Variants in DLGAP2 observed in about 807,000 individuals in gnomAD.
The protein encoded by DLGAP2 is DLG associated protein 2.
Under a neutral mutation model 100.3 loss-of-function variants are expected in DLGAP2, and 26 were observed. The observed-to-expected ratio is 0.26, with a 90% CI of 0.19 to 0.36. The LOEUF (loss-of-function observed/expected upper bound fraction) is 0.36, where lower values mean the gene tolerates loss of function less well. Among genes scored for constraint, DLGAP2 ranks in the 10% least tolerant of loss-of-function variants. The probability of loss-of-function intolerance (pLI) is 1.00; values close to 1 mark genes in which losing one functional copy is unlikely to be tolerated. For missense variants in DLGAP2, 1,858 were observed against 1,453.2 expected, an observed-to-expected ratio of 1.28 and a Z score of -4.53; for synonymous variants, 886 against 630.1, an observed-to-expected ratio of 1.41 and a Z score of -6.08.
At chr8:1,237,302 T>C (rs1184250358) in intron 2 of DLGAP2, among the ~76,000 whole-genome samples, 2 of 133,372 alleles carry the variant, frequency 1.5e-5, no homozygotes, top group Non-Finnish European at 1.6e-5. Flanking sequence ...TGTCTAGTTC[T>C]GTCTCACACA....
At chr8:920,575 G>A in intron 2 of DLGAP2, among the ~76,000 whole-genome samples, 1 of 152,036 alleles carries the variant, frequency 6.6e-6, no homozygotes, top group East Asian at 1.9e-4. Flanking sequence ...GGGCAACATG[G>A]TGAGACCCCA....
chr8:915,344 G>A (rs537735397), intron 2 of DLGAP2, among the ~76,000 whole-genome samples: 2 of 152,114 alleles, frequency 1.3e-5, no homozygotes, highest in Non-Finnish European at 2.9e-5. Context: ...TCAGGAGATC[G>A]GGACCGTCCT....
intron 2 of DLGAP2, among the ~76,000 whole-genome samples, chr8:1,230,507 A>G (rs1280308030): frequency 6.6e-6 from 1 of 152,224 alleles, no homozygotes; most frequent in Non-Finnish European, 1.5e-5. Context: ...CTAGAAAAAA[A>G]CTATTCTAAA....
intron 3 of DLGAP2, among the ~76,000 whole-genome samples, chr8:1,276,400 C>T (rs910696234): frequency 2.6e-5 from 4 of 152,062 alleles, no homozygotes; most frequent in Non-Finnish European, 4.4e-5. Context: ...TGGATCTTGG[C>T]CGCACGTTGG....
chr8:753,608 G>A (rs902511333), intron 1 of DLGAP2: 2 of 152,282 alleles, frequency 1.3e-5, no homozygotes, highest in African/African-American at 4.8e-5. Context: ...CACAGACGGT[G>A]GATGGAGAGG....
At chr8:1,046,482 T>G (rs1302993160) in intron 2 of DLGAP2, among the ~76,000 whole-genome samples, 2 of 152,166 alleles carry the variant, frequency 1.3e-5, no homozygotes, top group South Asian at 2.1e-4. Flanking sequence ...AAACCTTTTC[T>G]GCTGGAATAA....
chr8:1,112,380 A>G (rs1479061383), intron 2 of DLGAP2, among the ~76,000 whole-genome samples: 1 of 151,846 alleles, frequency 6.6e-6, no homozygotes, highest in East Asian at 1.9e-4. Context: ...AGCTGGGACT[A>G]CAGGCATCCA....
At position 1,411,647 on chromosome 8, in the gene DLGAP2, C is replaced by T. The variant is rs1419572533; in HGVS notation, c.107-89719C>T. 7.2e-5 allele frequency among the ~76,000 whole-genome samples: 11 copies of T among 152,332 alleles called. No individual in the cohort carries two copies. The East Asian group carries it at 2.1e-3, about 29-fold the overall frequency. On this transcript the variant is annotated intron_variant, in intron 3 of 14. Coordinates refer to ENST00000637795, the MANE Select transcript of DLGAP2 (RefSeq NM_001346810.2). ...TGGCCTGGTTTATCCTCTCCTTTCC[C>T]TCCTGCTCTGAACCATCTGCTAAAC...
chr8:1,001,209 A>G (rs1800945780), intron 2 of DLGAP2, among the ~76,000 whole-genome samples: 1 of 152,030 alleles, frequency 6.6e-6, no homozygotes, highest in African/African-American at 2.4e-5. Context: ...AGCTTTGACT[A>G]TTTTTCACAT....
At chr8:1,568,427 C>T (rs1158864022) in intron 6 of DLGAP2, among the ~76,000 whole-genome samples, 1 of 145,718 alleles carries the variant, frequency 6.9e-6, no homozygotes, top group African/African-American at 2.6e-5. Context: ...ACTCAGCAGA[C>T]ACAAATCCAC....
chr8:800,658 G>T (rs554134931), intron 1 of DLGAP2, among the ~76,000 whole-genome samples: 1 of 152,172 alleles, frequency 6.6e-6, no homozygotes, highest in African/African-American at 2.4e-5. Context: ...GTGCACATGC[G>T]TGTGCATGTG....
intron 2 of DLGAP2, among the ~76,000 whole-genome samples, chr8:1,057,125 C>T (rs1802905256): frequency 6.6e-6 from 1 of 152,150 alleles, no homozygotes; most frequent in African/African-American, 2.4e-5. Context: ...AGAGTTTTAC[C>T]TTTGAAACCT....
At chr8:1,299,029 C>G (rs1236817094) in intron 3 of DLGAP2, among the ~76,000 whole-genome samples, 1 of 152,242 alleles carries the variant, frequency 6.6e-6, no homozygotes, top group East Asian at 1.9e-4. Context: ...AAGGCTGTTA[C>G]TGCCATCCGT....
At chr8:1,454,779 A>T (rs1303439352) in intron 3 of DLGAP2, among the ~76,000 whole-genome samples, 1 of 152,156 alleles carries the variant, frequency 6.6e-6, no homozygotes, top group Non-Finnish European at 1.5e-5. Flanking sequence ...GTAGAAAAGG[A>T]ATAAAGTCAG....
intron 2 of DLGAP2, among the ~76,000 whole-genome samples, chr8:1,214,163 C>A (rs1382339275): frequency 6.6e-6 from 1 of 152,198 alleles, no homozygotes; most frequent in East Asian, 1.9e-4. Flanking sequence ...TCATTCCCTG[C>A]CAGGCCTCCC....
chr8:755,429 C>T (rs1227694059), intron 1 of DLGAP2, among the ~76,000 whole-genome samples: 1 of 152,096 alleles, frequency 6.6e-6, no homozygotes, highest in Non-Finnish European at 1.5e-5. Flanking sequence ...TGCACTCCAG[C>T]CTGGGCGACA....
chr8:1,078,721 C>G (rs1803704449), intron 2 of DLGAP2, among the ~76,000 whole-genome samples: 1 of 152,116 alleles, frequency 6.6e-6, no homozygotes, highest in African/African-American at 2.4e-5. Context: ...TCTTCCTTGT[C>G]TTTTTGTGGC....
At chr8:816,579 G>A (rs1029414203) in intron 1 of DLGAP2, among the ~76,000 whole-genome samples, 1 of 152,142 alleles carries the variant, frequency 6.6e-6, no homozygotes, top group South Asian at 2.1e-4. Context: ...TAGGGTTCCT[G>A]CTGAGAAATC....
chr8:1,372,651 A>C (rs528807311), intron 3 of DLGAP2, among the ~76,000 whole-genome samples: 3 of 152,338 alleles, frequency 2.0e-5, no homozygotes, highest in African/African-American at 7.2e-5. Flanking sequence ...TGATGATTCA[A>C]AGCCAGTTAT....
Sources: allele counts gnomAD v4.1 joint callset (sites outside exome capture counted in the v4.1 genomes callset), GRCh38; gene constraint gnomAD v4.1.1; transcripts MANE v1.5; gene names NCBI Gene and HGNC (gene_info 2026-07-23, HGNC 2026-07-21).